The following FLCN variants were observed in gnomAD, a reference collection of about 807,000 sequenced individuals.
The protein encoded by FLCN is BHD skin lesion fibrofolliculoma protein.
A neutral mutation model predicts 62.5 loss-of-function variants in FLCN; 22 were observed. The ratio of observed to expected loss-of-function variants is 0.35; its 90% CI spans 0.25 to 0.50. The LOEUF is 0.50. Ranked by LOEUF, FLCN falls within the 20% of genes least tolerant of loss-of-function variation. FLCN has a pLI of 0.97. For synonymous variants in FLCN, 319 were observed against 310.0 expected, an observed-to-expected ratio of 1.03 and a Z score of -0.30; for missense variants, 657 against 778.0, an observed-to-expected ratio of 0.84 and a Z score of 1.85.
At chr17:17,214,007 C>T (rs949649955) in intron 13 of FLCN, 151 bp from the exon 14 acceptor site, 6 of 859,166 alleles carry the variant, frequency 7.0e-6, no homozygotes, top group Non-Finnish European at 1.1e-5. Flanking sequence ...CAGGCTTGGC[C>T]CCTGAACTGC....
chr17:17,217,250 G>T, intron 9 of FLCN, 68 bp from the exon 10 acceptor site: 1 of 1,056,896 alleles, frequency 9.5e-7, no homozygotes, highest in Non-Finnish European at 1.5e-6. Flanking sequence ...TTCCCATGAA[G>T]TTATTTGTGT....
rs587782069 is a variant in FLCN, at chr17:17,224,041, G to A, written c.499C>T (p.Gln167Ter). Residue 167 changes from glutamine (Q) to a stop codon, truncating the protein, a stop_gained, in exon 6 of 14, where the codon CAG (glutamine) becomes TAG (stop). Coordinates refer to ENST00000285071, the MANE Select transcript of FLCN (RefSeq NM_144997.7). LOFTEE classifies it high-confidence loss of function. ...FIKDSLARGF[Q>*]RWYSIITIMM... ...ATGGTGATGATGCTGTACCAGCGCTGGAAGCCCCTGGCCAGGCTGTCCTTG... is the reference window on the plus strand; with the variant it reads ...ATGGTGATGATGCTGTACCAGCGCTAGAAGCCCCTGGCCAGGCTGTCCTTG... The A allele has an allele frequency of 1.2e-6, 2 of 1,613,872 alleles. No homozygotes were observed. Among genetic ancestry groups the A allele is most frequent in the Non-Finnish European group, 1.7e-6 (2 of 1,180,020 alleles).
At chr17:17,217,268 A>T in intron 9 of FLCN, 86 bp from the exon 10 acceptor site, 1 of 961,430 alleles carries the variant, frequency 1.0e-6, no homozygotes, top group Admixed American at 2.0e-5. Context: ...TGTGTTCATA[A>T]AACTTTGTAG....
chr17:17,214,290 G>T (rs1047103297), intron 13 of FLCN, among the ~76,000 whole-genome samples: 1 of 143,272 alleles, frequency 7.0e-6, no homozygotes, highest in African/African-American at 2.9e-5. Flanking sequence ...AAGTAAATTT[G>T]CTTACAAAAA....
In FLCN at chr17:17,217,001, C is replaced by G. The variant is rs41364753; in HGVS notation, c.1176+68G>C. 28,664 of 1,182,878 alleles carry G rather than the reference C, an allele frequency of 0.024. 507 individuals carry two copies. The highest frequency in any genetic ancestry group is 0.08 in the African/African-American group (5,347 of 66,594). The allele number at this position is 1,182,878 out of a possible 1,614,324, so 73.3% of individuals were successfully genotyped here. Reference sequence around the variant, plus strand: ...TGGGCAGTCGGTGCACCTTGGCATCCCCACCTGACGCCAGGCACCAGGCCA... The same window carrying G: ...TGGGCAGTCGGTGCACCTTGGCATCGCCACCTGACGCCAGGCACCAGGCCA... On this transcript the variant is annotated intron_variant, in intron 10 of 13. Coordinates refer to ENST00000285071, the MANE Select transcript of FLCN (RefSeq NM_144997.7).
chr17:17,221,974 TGTCGG>T, intron 7 of FLCN, among the ~76,000 whole-genome samples: 1 of 151,926 alleles, frequency 6.6e-6, no homozygotes, highest in East Asian at 1.9e-4. Context: ...CTGTCCGTTT[TGTCGG>T]ACATGATCAC....
rs2047310469 is a variant in FLCN at position 17,228,037 on chromosome 17, C to T, written c.101G>A (p.Gly34Glu). 6.2e-7 allele frequency: 1 copy of T among 1,613,922 alleles called. No homozygotes were observed. The highest frequency in any genetic ancestry group is 8.5e-7 in the Non-Finnish European group (1 of 1,180,054). ...VLHAPLPQGD[G>E]NEDSPGQGEQ... is the part of the protein sequence containing the mutation. ...ACCCTGGCCAGGACTGTCCTCATTCCCATCCCCTTGAGGAAGTGGGGCGTG... is the reference window on the plus strand; with the variant it reads ...ACCCTGGCCAGGACTGTCCTCATTCTCATCCCCTTGAGGAAGTGGGGCGTG... Residue 34 changes from glycine (G) to glutamate (E), a missense_variant, in exon 4 of 14, where the codon GGG becomes GAG. Physicochemically the swap from Gly to Glu is moderately conservative, Grantham distance 98. Transcript: ENST00000285071.
chr17:17,226,637 AG>A (rs1327216272), intron 4 of FLCN, among the ~76,000 whole-genome samples: 3 of 152,202 alleles, frequency 2.0e-5, no homozygotes, highest in Admixed American at 2.0e-4. Context: ...GTCAGTGAGA[AG>A]CCCCATTCTA....
In FLCN at chr17:17,217,529, C is replaced by T. The variant is rs1016786988; in HGVS notation, c.1063-347G>A. ...ACCATTTGAAAGCAAGCTGTAGGGC[C>T]CTCGACATGGCAGCACCCAGGAGAA... On this transcript the variant is annotated intron_variant, in intron 9 of 13. Transcript: ENST00000285071. 1.9e-5 allele frequency: 7 copies of T among 367,476 alleles called. No individual in the cohort carries two copies. In the Admixed American group the frequency reaches 1.9e-4, roughly 10 times the overall value. The allele number at this position is 367,476 out of a possible 1,614,324, so 22.8% of individuals were successfully genotyped here. A position where few individuals can be genotyped will look rare whatever the true frequency, so the allele number is the denominator to read the frequency against.
rs1390724176 is a variant in FLCN at position 17,213,068 on chromosome 17, T to G, written c.*587A>C. 4.0e-6 allele frequency: 1 copy of G among 248,396 alleles called. No individual in the cohort carries two copies. Among genetic ancestry groups the G allele is most frequent in the Non-Finnish European group, 7.9e-6 (1 of 125,968 alleles). 15.4% of individuals were successfully genotyped at this position (248,396 alleles called of 1,614,324 possible). ...GGAACACCCCAGAAGACGAGCCCCA[T>G]GGCTTCAGAACACACATTTCAGAGG... On this transcript the variant is annotated 3_prime_UTR_variant, in exon 14 of 14. Coordinates refer to ENST00000285071, the MANE Select transcript of FLCN (RefSeq NM_144997.7).
intron 13 of FLCN, 101 bp from the exon 14 acceptor site, chr17:17,213,957 AG>A (rs1293411950): frequency 7.7e-7 from 1 of 1,291,070 alleles, no homozygotes; most frequent in East Asian, 2.3e-5. Context: ...CACCAGCAGG[AG>A]CTGTGCAGGC....
Position 17,216,837 on chromosome 17 carries a change from A to G in FLCN, c.1176+232T>C. ...CTTTTACCAAGACTGTGTCATATGC[A>G]TTTTTGTTCCCTCTCAGGCCTGGGC... On this transcript the variant is annotated intron_variant, in intron 10 of 13. Coordinates refer to ENST00000285071, the MANE Select transcript of FLCN (RefSeq NM_144997.7). The surrounding 1 kb of genome is among the most constrained non-coding windows in gnomAD (Gnocchi z 4.0). 1.6e-6 allele frequency: 1 copy of G among 615,740 alleles called. No individual in the cohort carries two copies. Among genetic ancestry groups the G allele is most frequent in the South Asian group, 1.9e-5 (1 of 53,038 alleles). The allele number at this position is 615,740 out of a possible 1,614,324, so 38.1% of individuals were successfully genotyped here. A position where few individuals can be genotyped will look rare whatever the true frequency, so the allele number is the denominator to read the frequency against.
Position 17,212,638 on chromosome 17 carries a change from T to C in FLCN, c.*1017A>G. The stretch of plus-strand genomic sequence containing the variant: ...CGTCTCTACTAAAAAATACAAAAAT[T>C]AGCTGGGCATAGTGGCGGGCACCTG... On this transcript the variant is annotated 3_prime_UTR_variant, in exon 14 of 14. Coordinates refer to ENST00000285071, the MANE Select transcript of FLCN (RefSeq NM_144997.7). 1.1e-5 allele frequency: 2 copies of C among 177,992 alleles called. No homozygotes were observed. The highest frequency in any genetic ancestry group is 1.9e-4 in the East Asian group (2 of 10,574). The allele number at this position is 177,992 out of a possible 1,614,324, so 11.0% of individuals were successfully genotyped here.
chr17:17,236,951 G>T lies in FLCN; in HGVS notation c.-267C>A, dbSNP rs1270678419. On this transcript the variant is annotated 5_prime_UTR_variant, in exon 1 of 14. Coordinates refer to ENST00000285071, the MANE Select transcript of FLCN (RefSeq NM_144997.7). ...GAGGCCCGCGGGACACCTGGACTCGGCAGCCGGGGTCCCGCTCTGGGTCCC... is the reference window on the plus strand; with the variant it reads ...GAGGCCCGCGGGACACCTGGACTCGTCAGCCGGGGTCCCGCTCTGGGTCCC... The T allele has an allele frequency of 6.6e-6, 1 of 151,384 alleles. No individual in the cohort carries two copies. Among genetic ancestry groups the T allele is most frequent in the East Asian group, 1.9e-4 (1 of 5,174 alleles). 9.4% of individuals were successfully genotyped at this position (151,384 alleles called of 1,614,324 possible). A position where few individuals can be genotyped will look rare whatever the true frequency, so the allele number is the denominator to read the frequency against.
chr17:17,223,867 C>A (rs982893438), intron 6 of FLCN, 55 bp downstream of exon 6: 1 of 1,570,904 alleles, frequency 6.4e-7, no homozygotes, highest in Non-Finnish European at 8.7e-7. Context: ...CAGCACAGAG[C>A]GGCTCATGCA....
intron 7 of FLCN, among the ~76,000 whole-genome samples, chr17:17,221,951 A>G (rs554178912): frequency 1.3e-5 from 2 of 152,218 alleles, no homozygotes; most frequent in Admixed American, 1.3e-4. Flanking sequence ...CAGCCTGGAG[A>G]ACACTCAGGA....
At chr17:17,221,698 CCT>C (rs945238697) in intron 7 of FLCN, 70 bp from the exon 8 acceptor site, 21 of 1,510,196 alleles carry the variant, frequency 1.4e-5, no homozygotes, top group Middle Eastern at 1.9e-4. Flanking sequence ...TCACCCAGCC[CCT>C]GATCCTACCA....
intron 9 of FLCN, chr17:17,217,682 G>A (rs1025346840): frequency 1.8e-5 from 5 of 281,598 alleles, no homozygotes; most frequent in Non-Finnish European, 3.5e-5. Context: ...TTTGGATCCA[G>A]GAGATACTAC....
In FLCN at chr17:17,216,403, A is replaced by G. The variant is rs766990565; in HGVS notation, c.1277T>C (p.Ile426Thr). 4 of 1,613,298 alleles carry G rather than the reference A, an allele frequency of 2.5e-6. No individual in the cohort carries two copies. The highest frequency in any genetic ancestry group is 2.5e-6 in the Non-Finnish European group (3 of 1,179,686). ...NFLGLSPHVQ[I>T]PPHVLSSEFA... ...ACCTGAGGAGAGCACGTGGGGGGGGATCTGCACGTGCGGGCTGAGCCCCAG... is the reference window on the plus strand; with the variant it reads ...ACCTGAGGAGAGCACGTGGGGGGGGGTCTGCACGTGCGGGCTGAGCCCCAG... Residue 426 changes from isoleucine to threonine, a missense_variant, in exon 11 of 14, where the codon ATC (isoleucine) becomes ACC (threonine). By Grantham distance (89) the Ile-to-Thr change is moderately conservative. Transcript: ENST00000285071. The surrounding 1 kb of genome is among the most constrained non-coding windows in gnomAD (Gnocchi z 4.0).
Sources: allele counts gnomAD v4.1 joint callset (sites outside exome capture counted in the v4.1 genomes callset), GRCh38; gene constraint gnomAD v4.1.1; non-coding constraint Gnocchi (gnomAD v3.1); transcripts MANE v1.5; gene names NCBI Gene and HGNC (gene_info 2026-07-23, HGNC 2026-07-21).